The following EFR3B variants were observed in gnomAD, a reference collection of about 807,000 sequenced individuals.
EFR3B encodes the protein protein EFR3 homolog B.
EFR3B carries 64 observed loss-of-function variants against 104.7 expected under a neutral mutation model. That is an observed-to-expected ratio of 0.61 (90% confidence interval 0.50 to 0.75). EFR3B has a LOEUF of 0.75. Among genes scored for constraint, EFR3B ranks in the 30% least tolerant of loss-of-function variants. The pLI, the probability that EFR3B is intolerant of heterozygous loss-of-function variation, is 0.00. For missense variants in EFR3B, 750 were observed against 1,078.5 expected, an observed-to-expected ratio of 0.70 and a Z score of 4.27; for synonymous variants, 385 against 417.9, an observed-to-expected ratio of 0.92 and a Z score of 0.96.
At chr2:25,143,575 G>A (rs1253543035) in intron 17 of EFR3B, among the ~76,000 whole-genome samples, 160 bp from the exon 18 acceptor site, 5 of 151,968 alleles carry the variant, frequency 3.3e-5, no homozygotes, top group Admixed American at 6.6e-5. Context: ...CAGGAGAATC[G>A]CTTGAACCTG....
At chr2:25,143,450 G>A (rs1299685838) in intron 17 of EFR3B, among the ~76,000 whole-genome samples, 1 of 151,996 alleles carries the variant, frequency 6.6e-6, no homozygotes, top group Non-Finnish European at 1.5e-5. Flanking sequence ...CCCGAGGTCA[G>A]GAGTTCAAGA....
chr2:25,106,501 A>G (rs540775056), intron 4 of EFR3B, among the ~76,000 whole-genome samples: 1 of 137,062 alleles, frequency 7.3e-6, no homozygotes, highest in Non-Finnish European at 1.5e-5. Context: ...TCTGTTGCCC[A>G]GGCTGGAATG....
At chr2:25,083,285 G>A (rs928127160) in intron 1 of EFR3B, among the ~76,000 whole-genome samples, 4 of 152,182 alleles carry the variant, frequency 2.6e-5, no homozygotes, top group African/African-American at 9.7e-5. Context: ...CCGTTGGAAA[G>A]TGCTTCTGTT....
rs183316380 is a variant in EFR3B at position 25,054,590 on chromosome 2, G to A, written c.7+12271G>A. Among the ~76,000 whole-genome samples the A allele has an allele frequency of 2.7e-3, 409 of 152,298 alleles. 7 individuals carry two copies. Among genetic ancestry groups the A allele is most frequent in the Admixed American group, 0.024 (370 of 15,296 alleles). On this transcript the variant is annotated intron_variant, in intron 1 of 22. Coordinates refer to ENST00000403714, the MANE Select transcript of EFR3B (RefSeq NM_014971.2). ...GCCAAAGTGTTGGGATTACAGGCAT[G>A]AGCTACCGCACCTGACCCATGCAAG...
chr2:25,110,574 C>T (rs1459601907), intron 4 of EFR3B, among the ~76,000 whole-genome samples: 2 of 152,210 alleles, frequency 1.3e-5, no homozygotes, highest in Non-Finnish European at 2.9e-5. Context: ...TCCCTGCATC[C>T]ATTCTTTCTG....
intron 21 of EFR3B, among the ~76,000 whole-genome samples, chr2:25,152,907 G>A (rs1437395655): frequency 6.6e-6 from 1 of 152,032 alleles, no homozygotes; most frequent in African/African-American, 2.4e-5. Context: ...CACTTTGAGA[G>A]GGATGCCCAT....
intron 1 of EFR3B, among the ~76,000 whole-genome samples, chr2:25,090,828 G>C (rs1021225344): frequency 6.6e-6 from 1 of 152,206 alleles, no homozygotes; most frequent in African/African-American, 2.4e-5. Flanking sequence ...GGCAAACGAG[G>C]TGGCAGATAG....
At chr2:25,048,061 G>A in intron 1 of EFR3B, among the ~76,000 whole-genome samples, 1 of 152,266 alleles carries the variant, frequency 6.6e-6, no homozygotes, top group East Asian at 1.9e-4. Flanking sequence ...TCTCCCCCAG[G>A]CTGGAGTGCA....
At chr2:25,106,690 G>A (rs928143581) in intron 4 of EFR3B, among the ~76,000 whole-genome samples, 3 of 152,146 alleles carry the variant, frequency 2.0e-5, no homozygotes, top group Non-Finnish European at 4.4e-5. Flanking sequence ...TGATCCGCCT[G>A]CCTCGGCCTC....
At chr2:25,144,877 A>AG in intron 18 of EFR3B, 83 bp from the exon 19 acceptor site, 6 of 1,210,416 alleles carry the variant, frequency 5.0e-6, no homozygotes, top group Middle Eastern at 1.9e-4. Context: ...GCAAAGGCAG[A>AG]GGGGTAGGGA....
chr2:25,103,571 C>A (rs1299549017), intron 3 of EFR3B, 66 bp from the exon 4 acceptor site: 2 of 1,513,052 alleles, frequency 1.3e-6, no homozygotes, highest in Non-Finnish European at 1.8e-6. Context: ...TGACACCTTG[C>A]ATGCCCTGGT....
intron 1 of EFR3B, among the ~76,000 whole-genome samples, chr2:25,062,867 G>A (rs959351507): frequency 6.6e-6 from 1 of 152,184 alleles, no homozygotes; most frequent in Non-Finnish European, 1.5e-5. Flanking sequence ...CTCCGGCACT[G>A]TCTCAGCACA....
At chr2:25,073,825 C>CT (rs749445020) in intron 1 of EFR3B, among the ~76,000 whole-genome samples, 2 of 152,192 alleles carry the variant, frequency 1.3e-5, no homozygotes, top group Admixed American at 6.5e-5. Context: ...GGCCCACCTC[C>CT]TTCCAGGCTC....
rs1671100157 is a variant in EFR3B at position 25,154,280 on chromosome 2, GC to G, written c.2396del (p.Pro799ArgfsTer11). The G allele has an allele frequency of 6.4e-7, 1 of 1,551,838 alleles. No homozygotes were observed. The highest frequency in any genetic ancestry group is 1.4e-5 in the African/African-American group (1 of 73,046). On this transcript the variant is annotated frameshift_variant, in exon 23 of 23. Coordinates refer to ENST00000403714, the MANE Select transcript of EFR3B (RefSeq NM_014971.2). LOFTEE classifies it high-confidence loss of function. This position sits in a 1 kb window ranked among gnomAD's most constrained non-coding sequence, Gnocchi z 4.1. ...GAACCATCACTGCAGCCTACGGTCAGCCGCAGAACCACTCCATCCCCGTCTA... is the reference window on the plus strand; with the variant it reads ...GAACCATCACTGCAGCCTACGGTCAGCGCAGAACCACTCCATCCCCGTCTA... ...SGTITAAYGQ[P>X]QNHSIPVYEM...
chr2:25,136,686 C>A lies in EFR3B; in HGVS notation c.1560+88C>A. On this transcript the variant is annotated intron_variant, in intron 14 of 22. Transcript: ENST00000403714. The surrounding 1 kb of genome is among the most constrained non-coding windows in gnomAD (Gnocchi z 4.0). ...CAGCACTTTGGGAGGCTGAGGCGGG[C>A]GGATAGATCACTTGAGGTGGGGAGC... The A allele has an allele frequency of 8.8e-7, 1 of 1,141,600 alleles. No individual in the cohort carries two copies. The allele number at this position is 1,141,600 out of a possible 1,614,324, so 70.7% of individuals were successfully genotyped here.
At chr2:25,085,895 T>C (rs1409612197) in intron 1 of EFR3B, among the ~76,000 whole-genome samples, 3 of 151,586 alleles carry the variant, frequency 2.0e-5, no homozygotes. Context: ...GGGAAATGCT[T>C]GTTAGCATCA....
At chr2:25,107,467 G>A (rs989139035) in intron 4 of EFR3B, among the ~76,000 whole-genome samples, 1 of 152,118 alleles carries the variant, frequency 6.6e-6, no homozygotes, top group African/African-American at 2.4e-5. Flanking sequence ...AATTCCCAGG[G>A]CTCAACCAGA....
At chr2:25,135,937 G>A (rs149770178) in intron 13 of EFR3B, among the ~76,000 whole-genome samples, 1 of 152,312 alleles carries the variant, frequency 6.6e-6, no homozygotes, top group Non-Finnish European at 1.5e-5. Flanking sequence ...TTGCAAGTGT[G>A]AGAAGGAAGG....
At chr2:25,118,173 G>A (rs1669915309) in intron 4 of EFR3B, among the ~76,000 whole-genome samples, 1 of 152,042 alleles carries the variant, frequency 6.6e-6, no homozygotes, top group Non-Finnish European at 1.5e-5. Flanking sequence ...TAGAGACGGG[G>A]TTTCACCCTG....
Sources: allele counts gnomAD v4.1 joint callset (sites outside exome capture counted in the v4.1 genomes callset), GRCh38; gene constraint gnomAD v4.1.1; non-coding constraint Gnocchi (gnomAD v3.1); transcripts MANE v1.5; gene names NCBI Gene and HGNC (gene_info 2026-07-23, HGNC 2026-07-21).